Variants in C11orf21 observed in about 807,000 individuals in gnomAD.
C11orf21 encodes chromosome 11 open reading frame 21, also known as uncharacterized protein C11orf21.
A neutral mutation model predicts 15.2 loss-of-function variants in C11orf21; 19 were observed. That is an observed-to-expected ratio of 1.25 (90% CI 0.87 to 1.84). The LOEUF (loss-of-function observed/expected upper bound fraction) is 1.84, where lower values mean the gene tolerates loss of function less well. C11orf21 is among the 40% of genes most tolerant of loss of function. The probability of loss-of-function intolerance (pLI) is 0.00; values close to 1 mark genes in which losing one functional copy is unlikely to be tolerated. For synonymous variants in C11orf21, 62 were observed against 66.8 expected (o/e 0.93, Z 0.35); for missense variants, 171 against 174.4 (o/e 0.98, Z 0.11).
chr11:2,302,829 C>T (rs754676375), upstream of C11orf21: 4 of 1,608,968 alleles, frequency 2.5e-6, no homozygotes, highest in South Asian at 4.4e-5. Flanking sequence ...CACTCTGAGT[C>T]TGCCCTATCC....
intron 1 of C11orf21, chr11:2,301,511 C>T (rs74048220): frequency 2.1e-5 from 9 of 438,986 alleles, no homozygotes; most frequent in South Asian, 7.7e-5. Flanking sequence ...TGAGTGTGAG[C>T]GAGGCCCCAG....
At chr11:2,303,083 C>CA, upstream of C11orf21, 5 of 871,108 alleles carry the variant, frequency 5.7e-6, no homozygotes, top group Non-Finnish European at 7.0e-6. Flanking sequence ...CAGAGGTGGT[C>CA]AGGGGCAGGG....
At position 2,301,869 on chromosome 11, in the gene C11orf21, T is replaced by C. The variant is rs1847771127; in HGVS notation, c.-61A>G. On this transcript the variant is annotated 5_prime_UTR_variant, in exon 1 of 4. Coordinates refer to ENST00000381153, the MANE Select transcript of C11orf21 (RefSeq NM_001329958.2). ...CACCAAGAACGAGGCCATGTCTTCC[T>C]GGGAAGGGCCTCAGATGTCAGCAAA... The C allele has an allele frequency of 6.5e-7, 1 of 1,549,506 alleles. No individual in the cohort carries two copies. The highest frequency in any genetic ancestry group is 8.7e-7 in the Non-Finnish European group (1 of 1,146,800).
chr11:2,301,569 T>A, intron 1 of C11orf21, 187 bp downstream of exon 1: 2 of 546,694 alleles, frequency 3.7e-6, no homozygotes, highest in Non-Finnish European at 6.4e-6. Flanking sequence ...TATCCATGAG[T>A]GCCGCCCACG....
At chr11:2,302,757 G>C, upstream of C11orf21, 1 of 1,072,392 alleles carries the variant, frequency 9.3e-7, no homozygotes, top group Non-Finnish European at 1.4e-6. Flanking sequence ...GGAAGCTGGA[G>C]AGAGCCCCAA....
rs535511532 is a variant in C11orf21, at chr11:2,299,789, C to A, written c.148-82G>T. 1.4e-4 allele frequency: 216 copies of A among 1,520,894 alleles called. 1 individual carries two copies. The African/African-American group carries it at 2.7e-3, about 19-fold the overall frequency. 94.2% of individuals were successfully genotyped at this position (1,520,894 alleles called of 1,614,324 possible). On this transcript the variant is annotated intron_variant, in intron 2 of 3. Coordinates refer to ENST00000381153, the MANE Select transcript of C11orf21 (RefSeq NM_001329958.2). ...AGGAAGGAGAGAGGAAAAAGGAAGT[C>A]CCTGGCGGGTAAACACATATGCATG...
At chr11:2,301,489 G>GGAGGCCCCACGTGAGTGTGAGC (rs1216144217) in intron 1 of C11orf21, 2 of 395,280 alleles carry the variant, frequency 5.1e-6, no homozygotes, top group Non-Finnish European at 9.2e-6. Flanking sequence ...GCCTCCCCCT[G>GGAGGCCCCACGTGAGTGTGAGC]GAGGCCCCAC....
At chr11:2,302,393 C>G (rs1011380553), upstream of C11orf21, among the ~76,000 whole-genome samples, 2 of 152,210 alleles carry the variant, frequency 1.3e-5, no homozygotes, top group African/African-American at 4.8e-5. Context: ...AGGCAGGGAC[C>G]ACCATGAGCA....
At position 2,297,704 on chromosome 11, in the gene C11orf21, G is replaced by A. The variant is rs1333377173; in HGVS notation, c.*246C>T. On this transcript the variant is annotated 3_prime_UTR_variant, in exon 4 of 4. Coordinates refer to ENST00000381153, the MANE Select transcript of C11orf21 (RefSeq NM_001329958.2). ...TTTAGTAGACATGAGGTGAGTGAAT[G>A]AATGAATGAATGAATGAGTGCTGGG... is the stretch of plus-strand genomic sequence containing the variant. The A allele has an allele frequency of 2.0e-5, 3 of 152,276 alleles. No individual in the cohort carries two copies. The highest frequency in any genetic ancestry group is 4.4e-5 in the Non-Finnish European group (3 of 68,072). 9.4% of individuals were successfully genotyped at this position (152,276 alleles called of 1,614,324 possible).
intron 2 of C11orf21, 121 bp from the exon 3 acceptor site, chr11:2,299,828 GTCTGC>G: frequency 1.8e-6 from 1 of 570,380 alleles, no homozygotes; most frequent in South Asian, 2.7e-5. Flanking sequence ...ACACATCCAC[GTCTGC>G]ACACGCATCC....
chr11:2,302,557 G>T (rs1021919498), upstream of C11orf21, among the ~76,000 whole-genome samples: 2 of 152,236 alleles, frequency 1.3e-5, no homozygotes, highest in African/African-American at 4.8e-5. Flanking sequence ...CAGGGGTGGG[G>T]CTCACTCCCA....
chr11:2,301,690 T>C (rs770100183), intron 1 of C11orf21, 66 bp downstream of exon 1: 1 of 1,331,750 alleles, frequency 7.5e-7, no homozygotes, highest in African/African-American at 1.5e-5. Context: ...CCCATCCAAA[T>C]TCCTCCAAGG....
In C11orf21 at chr11:2,300,506, G is replaced by T. The variant is rs1371903474; in HGVS notation, c.147+14C>A. The stretch of plus-strand genomic sequence containing the variant: ...CCCGCTGGTGGGGCACAGTGAGGGG[G>T]GCTGTGGTCAGACCTGGTCTCTGGA... On this transcript the variant is annotated intron_variant, in intron 2 of 3. Transcript: ENST00000381153. The T allele has an allele frequency of 9.2e-6, 14 of 1,517,620 alleles. No individual in the cohort carries two copies. Among genetic ancestry groups the T allele is most frequent in the Non-Finnish European group, 1.2e-5 (14 of 1,125,776 alleles). 94.0% of individuals were successfully genotyped at this position (1,517,620 alleles called of 1,614,324 possible). A position where few individuals can be genotyped will look rare whatever the true frequency, so the allele number is the denominator to read the frequency against.
Position 2,300,556 on chromosome 11 carries a change from C to A in C11orf21, c.111G>T (p.Arg37Ser), listed in dbSNP as rs919892333. 6.5e-7 allele frequency: 1 copy of A among 1,549,482 alleles called. No homozygotes were observed. Among genetic ancestry groups the A allele is most frequent in the Non-Finnish European group, 8.7e-7 (1 of 1,146,496 alleles). The part of the protein sequence containing the change: ...SSQSGVEPPD[R>S]WTGTPGWPSR... The stretch of plus-strand genomic sequence containing the variant: ...AGGGCCAGCCGGGGGTTCCCGTCCA[C>A]CTGTCAGGGGGTTCGACGCCACTTT... Residue 37 changes from arginine (R) to serine (S), a missense_variant, in exon 2 of 4, where the codon AGG becomes AGT. Transcript: ENST00000381153.
chr11:2,299,848 C>A (rs137924796), intron 2 of C11orf21, 141 bp from the exon 3 acceptor site: 4 of 444,498 alleles, frequency 9.0e-6, no homozygotes, highest in Non-Finnish European at 1.5e-5. Context: ...GCATCCACGC[C>A]TGCACACGCA....
upstream of C11orf21, chr11:2,302,052 C>T (rs760927991): frequency 1.3e-6 from 2 of 1,498,522 alleles, no homozygotes; most frequent in South Asian, 1.4e-5. Context: ...CGGATGCAGC[C>T]TACCTCCTGG....
chr11:2,298,317 C>T (rs928618103), intron 3 of C11orf21, among the ~76,000 whole-genome samples: 6 of 152,214 alleles, frequency 3.9e-5, no homozygotes, highest in African/African-American at 7.2e-5. Context: ...TGGGCGTTCA[C>T]TTCTAGGTTC....
At chr11:2,302,725 G>A (rs947678167), upstream of C11orf21, 17 of 780,358 alleles carry the variant, frequency 2.2e-5, no homozygotes, top group East Asian at 3.8e-4. Flanking sequence ...CCCTGCAGCT[G>A]AGCCTGTCTC....
chr11:2,302,150 A>T, upstream of C11orf21: 2 of 1,447,482 alleles, frequency 1.4e-6, no homozygotes, highest in Non-Finnish European at 1.8e-6. Flanking sequence ...AGGAACCGTC[A>T]TGGGGCCTTG....
Sources: allele counts gnomAD v4.1 joint callset (sites outside exome capture counted in the v4.1 genomes callset), GRCh38; gene constraint gnomAD v4.1.1; transcripts MANE v1.5; gene names NCBI Gene and HGNC (gene_info 2026-07-23, HGNC 2026-07-21).